The following TRIM25 variants were observed in gnomAD, a reference collection of about 807,000 sequenced individuals.
The protein encoded by TRIM25 is tripartite motif containing 25, also known as E3 ubiquitin/ISG15 ligase TRIM25.
TRIM25 carries 45 observed loss-of-function variants against 65.2 expected under a neutral mutation model. The observed-to-expected ratio is 0.69, with a 90% confidence interval of 0.54 to 0.89. The LOEUF (loss-of-function observed/expected upper bound fraction) is 0.89, where lower values mean the gene tolerates loss of function less well. Among genes scored for constraint, TRIM25 ranks in the 40% least tolerant of loss-of-function variants. The probability of loss-of-function intolerance (pLI) is 0.00; values close to 1 mark genes in which losing one functional copy is unlikely to be tolerated. For missense variants in TRIM25, 714 were observed against 803.7 expected (o/e 0.89, Z 1.35); for synonymous variants, 321 against 340.4 (o/e 0.94, Z 0.63).
At position 56,892,072 on chromosome 17, in the gene TRIM25, G is replaced by T; in HGVS notation, c.1521C>A (p.Tyr507Ter). 1 of 1,614,174 alleles carries T rather than the reference G, an allele frequency of 6.2e-7. No homozygotes were observed. ...CCTCCCAGTAGTGGATCCCCTTCTT[G>T]TAGCAGTGCAGGCCCAGCACCTGAG... ...YCSQVLGLHC[Y>*]KKGIHYWEVE... Residue 507 changes from tyrosine (Y) to a stop codon, truncating the protein, a stop_gained, in exon 9 of 9, where the codon TAC becomes TAA. Transcript: ENST00000316881. LOFTEE classifies it high-confidence loss of function.
chr17:56,895,380 C>A lies in TRIM25; in HGVS notation c.1326G>T (p.Glu442Asp), dbSNP rs751720584. 6.2e-7 allele frequency: 1 copy of A among 1,614,028 alleles called. No individual in the cohort carries two copies. The highest frequency in any genetic ancestry group is 1.7e-5 in the Admixed American group (1 of 60,004). The change falls in exon 8 of 9, where the codon GAG becomes GAT. Residue 442 changes from glutamate to aspartate, a missense_variant. Transcript: ENST00000316881. Reference sequence around the variant, plus strand: ...CAGGTCTGGACTTGGCCAGGAAGGTCTCCAGCACCTTGGCCTTGAGAGATG... The same window carrying A: ...CAGGTCTGGACTTGGCCAGGAAGGTATCCAGCACCTTGGCCTTGAGAGATG... ...NSTSLKAKVL[E>D]TFLAKSRPEL...
Position 56,890,599 on chromosome 17 carries a change from T to C in TRIM25, c.*1101A>G, listed in dbSNP as rs941594342. ...CACCCCAGCAAGTGGCCTAGCATGGTCCGAGGCAGCCGCATAGCCTGTCTG... is the reference window on the plus strand; with the variant it reads ...CACCCCAGCAAGTGGCCTAGCATGGCCCGAGGCAGCCGCATAGCCTGTCTG... On this transcript the variant is annotated 3_prime_UTR_variant, in exon 9 of 9. Transcript: ENST00000316881. 4.4e-6 allele frequency: 2 copies of C among 456,218 alleles called. No individual in the cohort carries two copies. The highest frequency in any genetic ancestry group is 4.7e-5 in the Admixed American group (2 of 42,556). The allele number at this position is 456,218 out of a possible 1,614,324, so 28.3% of individuals were successfully genotyped here. A position where few individuals can be genotyped will look rare whatever the true frequency, so the allele number is the denominator to read the frequency against.
intron 8 of TRIM25, among the ~76,000 whole-genome samples, chr17:56,893,501 A>T (rs540643156): frequency 7.6e-4 from 116 of 152,332 alleles, no homozygotes; most frequent in African/African-American, 2.7e-3. Context: ...GCCAGCCCTG[A>T]AAAAGCAAGG....
intron 4 of TRIM25, among the ~76,000 whole-genome samples, chr17:56,899,477 G>A (rs538713452): frequency 1.1e-3 from 167 of 152,268 alleles, no homozygotes; most frequent in Non-Finnish European, 2.1e-3. Context: ...GCACACAATG[G>A]GGATGACTTC....
intron 4 of TRIM25, among the ~76,000 whole-genome samples, chr17:56,900,867 C>T (rs564602912): frequency 6.6e-6 from 1 of 152,266 alleles, no homozygotes; most frequent in Admixed American, 6.5e-5. Flanking sequence ...ATGAGCTCTG[C>T]ATCATGAAAA....
chr17:56,891,347 G>A lies in TRIM25; in HGVS notation c.*353C>T, dbSNP rs1218938907. Reference sequence around the variant, plus strand: ...CAGCCTTCAGATCCAAGTGGCCCAAGACAGAACCTACAGTAGCTATGGATT... The same window carrying A: ...CAGCCTTCAGATCCAAGTGGCCCAAAACAGAACCTACAGTAGCTATGGATT... On this transcript the variant is annotated 3_prime_UTR_variant, in exon 9 of 9. Transcript: ENST00000316881. The A allele has an allele frequency of 3.0e-6, 1 of 337,162 alleles. No homozygotes were observed. Among genetic ancestry groups the A allele is most frequent in the South Asian group, 2.9e-5 (1 of 34,404 alleles). The allele number at this position is 337,162 out of a possible 1,614,324, so 20.9% of individuals were successfully genotyped here. A position where few individuals can be genotyped will look rare whatever the true frequency, so the allele number is the denominator to read the frequency against.
intron 1 of TRIM25, chr17:56,911,999 CAAG>C (rs1346946225): frequency 6.6e-6 from 1 of 152,012 alleles, no homozygotes; most frequent in Non-Finnish European, 1.5e-5. Flanking sequence ...GCCGGAAGTT[CAAG>C]AACATCCTAG....
rs1247362754 is a variant in TRIM25, at chr17:56,890,231, A to G, written c.*1469T>C. On this transcript the variant is annotated 3_prime_UTR_variant, in exon 9 of 9. Transcript: ENST00000316881. ...TTCACTATAAGAGGCTAAATTCCTC[A>G]TACTCACATCCTGACAACATTAGGC... 3.4e-6 allele frequency: 1 copy of G among 295,986 alleles called. No homozygotes were observed. The highest frequency in any genetic ancestry group is 6.5e-6 in the Non-Finnish European group (1 of 154,112). The allele number at this position is 295,986 out of a possible 1,614,324, so 18.3% of individuals were successfully genotyped here.
At position 56,888,279 on chromosome 17, in the gene TRIM25, C is replaced by T. The variant is rs1909095922; in HGVS notation, c.*3421G>A. The T allele has an allele frequency of 6.6e-6, 1 of 152,190 alleles. No individual in the cohort carries two copies. Among genetic ancestry groups the T allele is most frequent in the South Asian group, 2.1e-4 (1 of 4,834 alleles). The allele number at this position is 152,190 out of a possible 1,614,324, so 9.4% of individuals were successfully genotyped here. ...GTCATCCCACCTTTTAGCATAAGCTCAGGTGTGATCCCATGGCCTCACAAA... is the reference window on the plus strand; with the variant it reads ...GTCATCCCACCTTTTAGCATAAGCTTAGGTGTGATCCCATGGCCTCACAAA... On this transcript the variant is annotated 3_prime_UTR_variant, in exon 9 of 9. Coordinates refer to ENST00000316881, the MANE Select transcript of TRIM25 (RefSeq NM_005082.5).
chr17:56,896,085 G>T (rs1909286542), intron 5 of TRIM25, 133 bp from the exon 6 acceptor site: 3 of 987,516 alleles, frequency 3.0e-6, no homozygotes, highest in Non-Finnish European at 4.5e-6. Context: ...AACAGAAGGA[G>T]TCAGCAGGCA....
At chr17:56,898,747 A>C (rs896002637) in intron 5 of TRIM25, among the ~76,000 whole-genome samples, 3 of 151,868 alleles carry the variant, frequency 2.0e-5, no homozygotes, top group Non-Finnish European at 4.4e-5. Context: ...GTAATAGCAG[A>C]AGCCCATTAC....
rs765173232 is a variant in TRIM25 at position 56,914,022 on chromosome 17, C to T, written c.-34G>A. 1.4e-6 allele frequency: 2 copies of T among 1,439,112 alleles called. No individual in the cohort carries two copies. Among genetic ancestry groups the T allele is most frequent in the Non-Finnish European group, 1.8e-6 (2 of 1,089,370 alleles). The allele number at this position is 1,439,112 out of a possible 1,614,324, so 89.1% of individuals were successfully genotyped here. A position where few individuals can be genotyped will look rare whatever the true frequency, so the allele number is the denominator to read the frequency against. ...CAGGGGTCGGGACACAACTGCTGCA[C>T]CCGCGCTCCGAGGCCGCCGAGGAAA... is the stretch of plus-strand genomic sequence containing the variant. On this transcript the variant is annotated 5_prime_UTR_variant, in exon 1 of 9. The change creates a new upstream start codon in the 5' untranslated region. Transcript: ENST00000316881.
chr17:56,903,415 A>G (rs1567840917), intron 3 of TRIM25, among the ~76,000 whole-genome samples: 1 of 152,162 alleles, frequency 6.6e-6, no homozygotes, highest in Non-Finnish European at 1.5e-5. Flanking sequence ...AATACATAAA[A>G]TAAATAAATA....
In TRIM25 at chr17:56,913,734, T is replaced by A. The variant is rs367719319; in HGVS notation, c.255A>T (p.Pro85=). The A allele has an allele frequency of 3.0e-5, 46 of 1,544,794 alleles. No individual in the cohort carries two copies. The highest frequency in any genetic ancestry group is 3.8e-5 in the Non-Finnish European group (44 of 1,145,956). Reference sequence around the variant, plus strand: ...CGGGCGGCGTCCAGACGTCGGCGGGTGGCTCCCGGGCCAGGTCGGCCTGCA... The same window carrying A: ...CGGGCGGCGTCCAGACGTCGGCGGGAGGCTCCCGGGCCAGGTCGGCCTGCA... ...QFLQADLARE[P]PADVWTPPAR... The change falls in exon 1 of 9, where the codon CCA becomes CCT. Residue 85 remains proline (P), a synonymous_variant. Coordinates refer to ENST00000316881, the MANE Select transcript of TRIM25 (RefSeq NM_005082.5). The surrounding 1 kb of genome is among the most constrained non-coding windows in gnomAD (Gnocchi z 6.1).
chr17:56,904,459 T>C lies in TRIM25; in HGVS notation c.723A>G (p.Leu241=), dbSNP rs763026042. The part of the protein sequence containing the change: ...RMTANRKVEQ[L]QQEYTEMKAL... ...CCTTCATTTCCGTGTATTCTTGTTG[T>C]AGCTGCTCCACCTTTCTGTTTGCAG... The change falls in exon 3 of 9, where the codon CTA becomes CTG. Residue 241 remains leucine (L), a synonymous_variant. Coordinates refer to ENST00000316881, the MANE Select transcript of TRIM25 (RefSeq NM_005082.5). 1.9e-6 allele frequency: 3 copies of C among 1,614,076 alleles called. No homozygotes were observed. In the African/African-American group the frequency reaches 4.0e-5, roughly 22 times the overall value.
At position 56,891,588 on chromosome 17, in the gene TRIM25, T is replaced by A; in HGVS notation, c.*112A>T. 2 of 666,790 alleles carry A rather than the reference T, an allele frequency of 3.0e-6. No individual in the cohort carries two copies. Among genetic ancestry groups the A allele is most frequent in the Non-Finnish European group, 4.3e-6 (2 of 464,386 alleles). 41.3% of individuals were successfully genotyped at this position (666,790 alleles called of 1,614,324 possible). On this transcript the variant is annotated 3_prime_UTR_variant, in exon 9 of 9. Coordinates refer to ENST00000316881, the MANE Select transcript of TRIM25 (RefSeq NM_005082.5). ...CCTCCCGCCAGCTCCCCTCCCATGCTCCCAATCCTTGGGACCTCTTGGGGA... is the reference window on the plus strand; with the variant it reads ...CCTCCCGCCAGCTCCCCTCCCATGCACCCAATCCTTGGGACCTCTTGGGGA...
In TRIM25 at chr17:56,890,823, G is replaced by T. The variant is rs561085012; in HGVS notation, c.*877C>A. On this transcript the variant is annotated 3_prime_UTR_variant, in exon 9 of 9. Transcript: ENST00000316881. ...GTTGATCCAGGGCAGCATCCCCCTC[G>T]CCTGGCAGAGTTCCTTGCCCCACAG... 6.6e-6 allele frequency: 3 copies of T among 456,360 alleles called. No individual in the cohort carries two copies. Among genetic ancestry groups the T allele is most frequent in the South Asian group, 3.1e-5 (2 of 64,560 alleles). The allele number at this position is 456,360 out of a possible 1,614,324, so 28.3% of individuals were successfully genotyped here.
rs1219469815 is a variant in TRIM25, at chr17:56,890,899, A to C, written c.*801T>G. ...CAGCAAAGCTCATGGCTGCCACCAA[A>C]GCATCTCTGCCAAGATGCTTCTTAT... On this transcript the variant is annotated 3_prime_UTR_variant, in exon 9 of 9. Transcript: ENST00000316881. The C allele has an allele frequency of 2.2e-6, 1 of 456,694 alleles. No homozygotes were observed. The highest frequency in any genetic ancestry group is 1.5e-5 in the South Asian group (1 of 64,570). 28.3% of individuals were successfully genotyped at this position (456,694 alleles called of 1,614,324 possible).
In TRIM25 at chr17:56,890,132, A is replaced by G. The variant is rs891050689; in HGVS notation, c.*1568T>C. The stretch of plus-strand genomic sequence containing the variant: ...AAGGTCTGGGGTCTCTAGTTCCCCA[A>G]TGGTGACTTCTTTTCATATTATAGG... On this transcript the variant is annotated 3_prime_UTR_variant, in exon 9 of 9. Coordinates refer to ENST00000316881, the MANE Select transcript of TRIM25 (RefSeq NM_005082.5). 1.6e-4 allele frequency: 52 copies of G among 331,640 alleles called. No homozygotes were observed. The East Asian group carries it at 1.7e-3, about 11-fold the overall frequency. 20.5% of individuals were successfully genotyped at this position (331,640 alleles called of 1,614,324 possible).
Sources: allele counts gnomAD v4.1 joint callset (sites outside exome capture counted in the v4.1 genomes callset), GRCh38; gene constraint gnomAD v4.1.1; non-coding constraint Gnocchi (gnomAD v3.1); transcripts MANE v1.5; gene names NCBI Gene and HGNC (gene_info 2026-07-23, HGNC 2026-07-21).